The following ATP11B variants were observed in gnomAD, a reference collection of about 807,000 sequenced individuals.
The protein encoded by ATP11B is ATPase phospholipid transporting 11B (putative).
A neutral mutation model predicts 157.8 loss-of-function variants in ATP11B; 81 were observed. The ratio of observed to expected loss-of-function variants is 0.51; its 90% CI spans 0.43 to 0.62. ATP11B has a LOEUF of 0.62. ATP11B is among the 20% of genes least tolerant of loss of function. The probability of loss-of-function intolerance (pLI) is 0.00; values close to 1 mark genes in which losing one functional copy is unlikely to be tolerated. For missense variants in ATP11B, 1,165 were observed against 1,402.2 expected (o/e 0.83, Z 2.70); for synonymous variants, 451 against 469.4 (o/e 0.96, Z 0.51).
chr3:182,847,050 C>CTTT (rs201462644), intron 9 of ATP11B, among the ~76,000 whole-genome samples: 13 of 132,674 alleles, frequency 9.8e-5, no homozygotes, highest in Admixed American at 1.5e-4. Context: ...TACTTTAAAA[C>CTTT]TTTTTTTTTT....
intron 10 of ATP11B, among the ~76,000 whole-genome samples, chr3:182,849,970 C>G (rs1446276851): frequency 6.6e-6 from 1 of 152,050 alleles, no homozygotes; most frequent in Non-Finnish European, 1.5e-5. Context: ...GGTCAAAATA[C>G]TAGAATCCAA....
intron 12 of ATP11B, among the ~76,000 whole-genome samples, chr3:182,859,626 C>G (rs1004917240): frequency 2.6e-5 from 4 of 152,118 alleles, no homozygotes; most frequent in Non-Finnish European, 5.9e-5. Flanking sequence ...CACTACTCTT[C>G]CCAGACACAT....
intron 28 of ATP11B, among the ~76,000 whole-genome samples, chr3:182,913,619 C>T (rs540881538): frequency 1.1e-4 from 17 of 152,276 alleles, no homozygotes; most frequent in African/African-American, 3.8e-4. Flanking sequence ...TACATAATAT[C>T]CAGCTTCTTA....
intron 1 of ATP11B, among the ~76,000 whole-genome samples, chr3:182,800,326 A>G (rs1715912419): frequency 6.6e-6 from 1 of 151,268 alleles, no homozygotes; most frequent in Admixed American, 6.6e-5. Context: ...GGCTCAAATG[A>G]TCCTCCTGCC....
At chr3:182,874,162 AAAG>A (rs756300485) in intron 19 of ATP11B, 147 bp downstream of exon 19, 5 of 648,502 alleles carry the variant, frequency 7.7e-6, no homozygotes, top group East Asian at 2.7e-5. Flanking sequence ...GATGAAATCC[AAAG>A]AAGAAGAATA....
intron 4 of ATP11B, among the ~76,000 whole-genome samples, chr3:182,834,983 GT>G (rs1418643126): frequency 6.6e-6 from 1 of 152,154 alleles, no homozygotes; most frequent in Non-Finnish European, 1.5e-5. Context: ...AAAAGAACAT[GT>G]TTTTAAGAGG....
chr3:182,879,366 T>G (rs1353396938), intron 19 of ATP11B, 130 bp from the exon 20 acceptor site: 1 of 737,810 alleles, frequency 1.4e-6, no homozygotes, highest in African/African-American at 1.8e-5. Context: ...TTTCCTGACA[T>G]AACAGTCTTG....
At chr3:182,863,568 C>A (rs1392488826) in intron 12 of ATP11B, among the ~76,000 whole-genome samples, 1 of 151,976 alleles carries the variant, frequency 6.6e-6, no homozygotes, top group Non-Finnish European at 1.5e-5. Flanking sequence ...CCTATTTTGT[C>A]TTTTACCAAT....
chr3:182,899,041 A>G, intron 28 of ATP11B, among the ~76,000 whole-genome samples: 1 of 151,996 alleles, frequency 6.6e-6, no homozygotes, highest in East Asian at 1.9e-4. Context: ...CTATCAAATT[A>G]TATCCAGATA....
intron 10 of ATP11B, among the ~76,000 whole-genome samples, chr3:182,853,709 A>T (rs998379178): frequency 6.6e-6 from 1 of 152,244 alleles, no homozygotes; most frequent in Non-Finnish European, 1.5e-5. Flanking sequence ...TGTCAAGCTC[A>T]GTATTGTTAA....
In ATP11B at chr3:182,801,981, C is replaced by A. The variant is rs147380434; in HGVS notation, c.27+8195C>A. 3.1e-3 allele frequency among the ~76,000 whole-genome samples: 466 copies of A among 152,174 alleles called. 3 individuals carry two copies. Among genetic ancestry groups the A allele is most frequent in the African/African-American group, 0.011 (436 of 41,518 alleles). ...GGATACCTCTGTGGGGAGAAGAAAT[C>A]AAAGAAAGACACATGAATCAAAAAA... On this transcript the variant is annotated intron_variant, in intron 1 of 29. Transcript: ENST00000323116.
At position 182,916,304 on chromosome 3, in the gene ATP11B, G is replaced by T. The variant is rs1577127845; in HGVS notation, c.3453-1719G>T. 5.1e-6 allele frequency: 5 copies of T among 985,208 alleles called. No homozygotes were observed. In the East Asian group the frequency reaches 5.7e-4, roughly 112 times the overall value. The allele number at this position is 985,208 out of a possible 1,614,324, so 61.0% of individuals were successfully genotyped here. ...AAGTCTGAGACTGCCATTCCAAGAT[G>T]TAGAAGCCCTTAGCTGTGTGTTCCA... On this transcript the variant is annotated intron_variant, in intron 29 of 29. Transcript: ENST00000323116.
rs1043242979 is a variant in ATP11B, at chr3:182,918,164, ACCCTGTTAATGG to A, written c.*63_*74del. 43 of 1,604,824 alleles carry A rather than the reference ACCCTGTTAATGG, an allele frequency of 2.7e-5. No homozygotes were observed. In the Admixed American group the frequency reaches 4.9e-4, roughly 18 times the overall value. On this transcript the variant is annotated 3_prime_UTR_variant, in exon 30 of 30. Coordinates refer to ENST00000323116, the MANE Select transcript of ATP11B (RefSeq NM_014616.3). ...TCCTTTCCTAAAATTCAGTGTGATC[ACCCTGTTAATGG>A]CCACACTAGCTCTGAAATTAATTTC...
chr3:182,897,513 C>T, intron 27 of ATP11B, 107 bp downstream of exon 27: 1 of 764,182 alleles, frequency 1.3e-6, no homozygotes, highest in Non-Finnish European at 2.0e-6. Context: ...TTTCAGACTC[C>T]TGGTAAGTTT....
intron 1 of ATP11B, among the ~76,000 whole-genome samples, chr3:182,799,824 A>G (rs1355827927): frequency 6.6e-6 from 1 of 152,082 alleles, no homozygotes; most frequent in African/African-American, 2.4e-5. Flanking sequence ...TATAAGAAAA[A>G]CATTCTAGGC....
At position 182,836,305 on chromosome 3, in the gene ATP11B, A is replaced by G. The variant is rs982141825; in HGVS notation, c.424-37A>G. ...ATAAAAGTAAGTCCTTGCCTTTTAA[A>G]ATTTATAAATTCACTCTTCCCCAAA... is the stretch of plus-strand genomic sequence containing the variant. On this transcript the variant is annotated intron_variant, in intron 5 of 29. Coordinates refer to ENST00000323116, the MANE Select transcript of ATP11B (RefSeq NM_014616.3). 3 of 1,611,582 alleles carry G rather than the reference A, an allele frequency of 1.9e-6. No individual in the cohort carries two copies. In the African/African-American group the frequency reaches 4.0e-5, roughly 22 times the overall value.
chr3:182,847,750 C>T (rs1220330921), intron 9 of ATP11B, among the ~76,000 whole-genome samples: 3 of 152,036 alleles, frequency 2.0e-5, no homozygotes, highest in African/African-American at 4.8e-5. Context: ...TATTTTTTCC[C>T]ATTTAAAGAT....
chr3:182,804,480 G>A (rs1576947421), intron 1 of ATP11B, among the ~76,000 whole-genome samples: 7 of 152,024 alleles, frequency 4.6e-5, no homozygotes, highest in South Asian at 2.1e-4. Flanking sequence ...TGATCCGCTC[G>A]CCTTGGCCTC....
chr3:182,904,667 C>A (rs781011693), intron 28 of ATP11B, among the ~76,000 whole-genome samples: 6 of 152,076 alleles, frequency 3.9e-5, no homozygotes, highest in Non-Finnish European at 5.9e-5. Flanking sequence ...ATGGGTGGAT[C>A]CCTTAAGGTC....
Sources: gnomAD v4.1 joint callset for allele counts (sites outside exome capture counted in the v4.1 genomes callset) on GRCh38, gnomAD v4.1.1 for gene constraint, MANE v1.5 for transcripts, NCBI Gene and HGNC (gene_info 2026-07-23, HGNC 2026-07-21) for gene names.